PPP2R2B: variants seen among roughly 807,000 people sequenced by gnomAD.
PPP2R2B encodes serine/threonine-protein phosphatase 2A 55 kDa regulatory subunit B beta isoform.
PPP2R2B carries 5 observed loss-of-function variants against 46.0 expected under a neutral mutation model. The observed-to-expected ratio is 0.11, with a 90% confidence interval of 0.06 to 0.23. PPP2R2B has a LOEUF of 0.23. Ranked by LOEUF, PPP2R2B falls within the 10% of genes least tolerant of loss-of-function variation. The probability of loss-of-function intolerance (pLI) is 1.00; values close to 1 mark genes in which losing one functional copy is unlikely to be tolerated. For missense variants in PPP2R2B, 367 were observed against 575.0 expected, an observed-to-expected ratio of 0.64 and a Z score of 3.70; for synonymous variants, 215 against 206.7, an observed-to-expected ratio of 1.04 and a Z score of -0.34.
intron 4 of PPP2R2B, 82 bp downstream of exon 4, chr5:146,697,897 A>C: frequency 1.5e-6 from 2 of 1,378,124 alleles, no homozygotes; most frequent in Non-Finnish European, 2.0e-6. Context: ...CACAGTTCAA[A>C]GGAAATTGAG....
At chr5:147,001,559 C>T (rs1421286151) in intron 1 of PPP2R2B, among the ~76,000 whole-genome samples, 1 of 152,172 alleles carries the variant, frequency 6.6e-6, no homozygotes, top group Non-Finnish European at 1.5e-5. Flanking sequence ...AACTGTAACA[C>T]TCACTGTGAG....
At chr5:147,073,818 A>T (rs551123832) in intron 2 of PPP2R2B, among the ~76,000 whole-genome samples, 1 of 152,270 alleles carries the variant, frequency 6.6e-6, no homozygotes, top group African/African-American at 2.4e-5. Flanking sequence ...CAGGCAGATC[A>T]CAAGGTCAAG....
chr5:146,871,971 T>C (rs1761639577), intron 2 of PPP2R2B, among the ~76,000 whole-genome samples: 1 of 152,232 alleles, frequency 6.6e-6, no homozygotes, highest in South Asian at 2.1e-4. Context: ...ATGCCTGGAA[T>C]AGACAGTACT....
chr5:146,933,681 T>G (rs138674991), intron 1 of PPP2R2B, among the ~76,000 whole-genome samples: 60 of 152,068 alleles, frequency 3.9e-4, no homozygotes, highest in African/African-American at 1.4e-3. Flanking sequence ...TTTAAGTTTT[T>G]TTTTTCTTTT....
chr5:146,973,003 G>T (rs1417581723), intron 1 of PPP2R2B, among the ~76,000 whole-genome samples: 2 of 151,928 alleles, frequency 1.3e-5, no homozygotes, highest in African/African-American at 4.8e-5. Flanking sequence ...AAATGTATTA[G>T]TTTCTCTTAT....
chr5:146,739,495 T>C (rs1237993262), intron 2 of PPP2R2B, among the ~76,000 whole-genome samples: 1 of 152,076 alleles, frequency 6.6e-6, no homozygotes, highest in Non-Finnish European at 1.5e-5. Flanking sequence ...ACATGGTACA[T>C]TTGGGGACCA....
chr5:146,686,658 T>A (rs1054820403), intron 5 of PPP2R2B, among the ~76,000 whole-genome samples: 4 of 152,182 alleles, frequency 2.6e-5, no homozygotes, highest in African/African-American at 9.7e-5. Flanking sequence ...TTATGACCAG[T>A]CACAGCTTGG....
chr5:146,704,925 G>T (rs1230510709), intron 2 of PPP2R2B, among the ~76,000 whole-genome samples: 1 of 152,182 alleles, frequency 6.6e-6, no homozygotes, highest in East Asian at 1.9e-4. Flanking sequence ...TGCTAGGCTG[G>T]AGTCTATGCA....
chr5:146,835,271 A>G (rs912527144), intron 2 of PPP2R2B, among the ~76,000 whole-genome samples: 10 of 147,270 alleles, frequency 6.8e-5, no homozygotes, highest in Admixed American at 5.5e-4. Flanking sequence ...TTATATTTTG[A>G]GGGAAAATAT....
chr5:146,627,891 T>C (rs2151066082), intron 7 of PPP2R2B, among the ~76,000 whole-genome samples: 1 of 152,220 alleles, frequency 6.6e-6, no homozygotes, highest in South Asian at 2.1e-4. Context: ...TTTGCCTTCT[T>C]CTCATTGGAA....
intron 1 of PPP2R2B, among the ~76,000 whole-genome samples, chr5:146,906,698 T>C (rs1385695773): frequency 6.6e-6 from 1 of 152,202 alleles, no homozygotes; most frequent in Non-Finnish European, 1.5e-5. Context: ...TATCTCAATA[T>C]ATGTATCTTT....
intron 1 of PPP2R2B, among the ~76,000 whole-genome samples, chr5:146,895,729 T>G (rs1283357717): frequency 6.6e-6 from 1 of 152,214 alleles, no homozygotes; most frequent in African/African-American, 2.4e-5. Flanking sequence ...CATACTATTT[T>G]GTAATATGTT....
chr5:146,806,925 C>T (rs558046744), intron 2 of PPP2R2B, among the ~76,000 whole-genome samples: 10 of 152,314 alleles, frequency 6.6e-5, no homozygotes, highest in South Asian at 2.1e-4. Context: ...CTCTACTTCT[C>T]ATTGTCCCAT....
chr5:146,691,311 C>T (rs1260475801), intron 4 of PPP2R2B, 71 bp from the exon 5 acceptor site: 8 of 1,267,442 alleles, frequency 6.3e-6, no homozygotes, highest in East Asian at 2.3e-5. Context: ...TTCCTGGGGG[C>T]AATGGGGAGA....
At chr5:147,060,977 C>T (rs902741865) in intron 2 of PPP2R2B, among the ~76,000 whole-genome samples, 40 of 152,140 alleles carry the variant, frequency 2.6e-4, no homozygotes, top group Admixed American at 2.6e-3. Flanking sequence ...TGACAATTTC[C>T]ATCACACTTC....
intron 2 of PPP2R2B, among the ~76,000 whole-genome samples, chr5:146,789,826 G>T (rs532931158): frequency 6.6e-6 from 1 of 152,280 alleles, no homozygotes; most frequent in African/African-American, 2.4e-5. Flanking sequence ...CCAGACATAA[G>T]AATGTCTGTG....
At chr5:146,860,099 G>T (rs149509567) in intron 2 of PPP2R2B, among the ~76,000 whole-genome samples, 9 of 152,118 alleles carry the variant, frequency 5.9e-5, no homozygotes, top group African/African-American at 1.7e-4. Context: ...TCCTCTCAAG[G>T]TATCTAGCAG....
At chr5:146,930,369 A>G (rs1763928076) in intron 1 of PPP2R2B, among the ~76,000 whole-genome samples, 1 of 152,178 alleles carries the variant, frequency 6.6e-6, no homozygotes. Flanking sequence ...AGTGCTGGAG[A>G]AAAATAGCAT....
chr5:146,807,399 C>T (rs925077169), intron 2 of PPP2R2B, among the ~76,000 whole-genome samples: 1 of 152,042 alleles, frequency 6.6e-6, no homozygotes, highest in African/African-American at 2.4e-5. Flanking sequence ...CTTGGTTCTT[C>T]CCTATCTTTT....
Sources: allele counts gnomAD v4.1 joint callset (sites outside exome capture counted in the v4.1 genomes callset), GRCh38; gene constraint gnomAD v4.1.1; transcripts MANE v1.5; gene names NCBI Gene and HGNC (gene_info 2026-07-23, HGNC 2026-07-21).